FGF13: variants seen among roughly 807,000 people sequenced by gnomAD.
The protein encoded by FGF13 is fibroblast growth factor homologous factor 2.
Under a neutral mutation model 19.5 loss-of-function variants are expected in FGF13, and 2 were observed. The ratio of observed to expected loss-of-function variants is 0.10; its 90% CI spans 0.04 to 0.32. The LOEUF is 0.32. Ranked by LOEUF, FGF13 falls within the 10% of genes least tolerant of loss-of-function variation. FGF13 has a pLI of 1.00. For missense variants in FGF13, 113 were observed against 192.7 expected, an observed-to-expected ratio of 0.59 and a Z score of 2.45; for synonymous variants, 72 against 76.9, an observed-to-expected ratio of 0.94 and a Z score of 0.33.
chrX:138,919,167 T>C (rs1051028278), intron 1 of FGF13, among the ~76,000 whole-genome samples: 1 of 111,790 alleles, frequency 8.9e-6, no homozygotes, highest in Non-Finnish European at 1.9e-5. Context: ...ATACACCACG[T>C]ACAAACTAAC....
chrX:139,066,504 T>C (rs2092356972), intron 1 of FGF13, among the ~76,000 whole-genome samples: 1 of 111,549 alleles, frequency 9.0e-6, no homozygotes, highest in Non-Finnish European at 1.9e-5. Context: ...AAATACAAAC[T>C]ACCATCAGAG....
At chrX:138,753,484 A>G (rs1602788173) in intron 3 of FGF13, among the ~76,000 whole-genome samples, 1 of 112,294 alleles carries the variant, frequency 8.9e-6, no homozygotes. Context: ...TCAACTTTCT[A>G]CCTTATCAGT....
At chrX:138,871,088 A>T (rs188325964) in intron 1 of FGF13, among the ~76,000 whole-genome samples, 2 of 112,267 alleles carry the variant, frequency 1.8e-5, no homozygotes, top group Admixed American at 9.4e-5. Context: ...GCAGCAATAG[A>T]AAACAAATGA....
chrX:138,968,287 C>T (rs1000374114), intron 1 of FGF13, among the ~76,000 whole-genome samples: 1 of 112,077 alleles, frequency 8.9e-6, no homozygotes, highest in Non-Finnish European at 1.9e-5. Context: ...TTCTCCCATA[C>T]TTTTAAGGAA....
intron 3 of FGF13, among the ~76,000 whole-genome samples, chrX:138,646,482 G>A (rs901679249): frequency 9.0e-6 from 1 of 111,716 alleles, no homozygotes; most frequent in Non-Finnish European, 1.9e-5. Flanking sequence ...GTCTGACACA[G>A]AGCAGAAGCC....
chrX:138,953,582 TA>T (rs969131733), intron 1 of FGF13, among the ~76,000 whole-genome samples: 15 of 110,643 alleles, frequency 1.4e-4, no homozygotes, highest in African/African-American at 2.3e-4. Flanking sequence ...ATAATAATAA[TA>T]AAAAAAGAAA....
intron 1 of FGF13, among the ~76,000 whole-genome samples, chrX:139,199,670 G>C (rs1365025760): frequency 3.6e-5 from 4 of 111,120 alleles, no homozygotes; most frequent in Non-Finnish European, 7.5e-5. Context: ...CCTGCTGTGG[G>C]CATAGACCTC....
intron 3 of FGF13, among the ~76,000 whole-genome samples, chrX:138,762,295 G>T (rs1398356851): frequency 9.0e-6 from 1 of 110,825 alleles, no homozygotes; most frequent in Non-Finnish European, 1.9e-5. Flanking sequence ...ACTGTATGTG[G>T]AAGAATTTCA....
chrX:138,720,359 T>C (rs776688752), intron 1 of FGF13, among the ~76,000 whole-genome samples: 5 of 112,294 alleles, frequency 4.5e-5, no homozygotes, highest in African/African-American at 6.5e-5. Context: ...TTAATACTTA[T>C]AATAACCTTA....
chrX:138,954,310 G>A (rs1160333377), intron 1 of FGF13, among the ~76,000 whole-genome samples: 1 of 111,495 alleles, frequency 9.0e-6, no homozygotes, highest in East Asian at 2.8e-4. Flanking sequence ...CCCACACAAA[G>A]TTGTTTAGAT....
Position 139,133,025 on chromosome X carries a change from G to C in FGF13, c.-113+70391C>G, listed in dbSNP as rs1194127695. Among the ~76,000 whole-genome samples, 3 of 111,536 alleles carry C rather than the reference G, an allele frequency of 2.7e-5. No individual in the cohort carries two copies. In the East Asian group the frequency reaches 8.5e-4, roughly 32 times the overall value. ...AGAGTAAGTGGGAAAAAAGGCTTCA[G>C]TGGTAAAATACATTTGGGTAATGCT... On this transcript the variant is annotated intron_variant, in intron 1 of 2. Transcript: ENST00000421460.
At chrX:138,799,518 G>A (rs2090810551) in intron 3 of FGF13, among the ~76,000 whole-genome samples, 2 of 111,649 alleles carry the variant, frequency 1.8e-5, no homozygotes, top group Non-Finnish European at 3.8e-5. Context: ...ATGTGGTGCT[G>A]AGAAGAATGT....
At chrX:138,964,356 A>G (rs951636229) in intron 1 of FGF13, among the ~76,000 whole-genome samples, 9 of 111,923 alleles carry the variant, frequency 8.0e-5, no homozygotes, top group African/African-American at 2.9e-4. Flanking sequence ...CCTGCAAGCT[A>G]AAAATAGTGG....
intron 1 of FGF13, among the ~76,000 whole-genome samples, chrX:139,124,126 T>G (rs917884252): frequency 8.9e-6 from 1 of 112,233 alleles, no homozygotes; most frequent in Non-Finnish European, 1.9e-5. Flanking sequence ...TTTCTCTTTG[T>G]TCACCAGTGA....
At chrX:139,004,752 C>T (rs1257322173) in intron 1 of FGF13, among the ~76,000 whole-genome samples, 2 of 112,191 alleles carry the variant, frequency 1.8e-5, no homozygotes, top group Non-Finnish European at 3.8e-5. Flanking sequence ...CACAAACCAA[C>T]TAAAGAGCTC....
At chrX:139,077,031 G>A (rs1023154277) in intron 1 of FGF13, among the ~76,000 whole-genome samples, 3 of 111,864 alleles carry the variant, frequency 2.7e-5, no homozygotes, top group Admixed American at 1.9e-4. Context: ...TTGGGGAACC[G>A]CAGGGCTGTT....
At chrX:138,742,304 G>A (rs2090324913), upstream of FGF13, among the ~76,000 whole-genome samples, 1 of 112,203 alleles carries the variant, frequency 8.9e-6, no homozygotes, top group East Asian at 2.8e-4. Context: ...CTGCGTGTCC[G>A]TCATAACTGT....
In FGF13 at chrX:138,711,352, C is replaced by CT. The variant is rs2090045414; in HGVS notation, c.-350_-349insA. The CT allele has an allele frequency of 1.8e-6, 1 of 563,737 alleles. No homozygotes were observed. Among genetic ancestry groups the CT allele is most frequent in the Non-Finnish European group, 2.0e-6 (1 of 499,933 alleles). The allele number at this position is 563,737 out of a possible 1,213,427, so 46.5% of individuals were successfully genotyped here. ...GCGCCCGGCGGACACCGTGCATGTC[C>CT]AGCTGCTCCGGTCCGAATTTCGCCG... On this transcript the variant is annotated 5_prime_UTR_variant, in exon 1 of 5. Transcript: ENST00000315930.
chrX:138,927,561 A>G (rs752377677), intron 1 of FGF13, among the ~76,000 whole-genome samples: 1 of 112,237 alleles, frequency 8.9e-6, no homozygotes, highest in Non-Finnish European at 1.9e-5. Flanking sequence ...CACAAGCTTA[A>G]ACTAATTTCT....
Sources: gnomAD v4.1 joint callset for allele counts (sites outside exome capture counted in the v4.1 genomes callset) on GRCh38, gnomAD v4.1.1 for gene constraint, MANE v1.5 for transcripts, NCBI Gene and HGNC (gene_info 2026-07-23, HGNC 2026-07-21) for gene names.